Variants in SPMIP2 observed in about 807,000 individuals in gnomAD.
SPMIP2 encodes sperm microtubule inner protein 2, also known as protein SPMIP2.
the SPMIP2 span, among the ~76,000 whole-genome samples, chr4:159,026,830 T>C: frequency 6.6e-6 from 1 of 151,232 alleles, no homozygotes; most frequent in Non-Finnish European, 1.5e-5. Flanking sequence ...TCCTCCTCCC[T>C]TCCATCTTAG....
At chr4:158,942,267 G>C in the SPMIP2 span, among the ~76,000 whole-genome samples, 1 of 152,182 alleles carries the variant, frequency 6.6e-6, no homozygotes, top group African/African-American at 2.4e-5. Context: ...TGGAATCTAA[G>C]TCCAGCACTT....
chr4:158,921,655 T>C, the SPMIP2 span, among the ~76,000 whole-genome samples: 1 of 152,088 alleles, frequency 6.6e-6, no homozygotes, highest in Non-Finnish European at 1.5e-5. Context: ...CTCTTTTCTT[T>C]ATAAATTACC....
chr4:159,009,353 G>T, the SPMIP2 span, among the ~76,000 whole-genome samples: 2 of 152,276 alleles, frequency 1.3e-5, no homozygotes, highest in Non-Finnish European at 2.9e-5. Flanking sequence ...TGAAAATGAG[G>T]CTTAGCAATC....
At chr4:159,037,537 G>C in the SPMIP2 span, among the ~76,000 whole-genome samples, 13 of 151,380 alleles carry the variant, frequency 8.6e-5, no homozygotes, top group Non-Finnish European at 1.9e-4. Flanking sequence ...CCAGCACTTT[G>C]GGAGGTCGAG....
the SPMIP2 span, among the ~76,000 whole-genome samples, chr4:158,961,252 C>A: frequency 1.3e-5 from 2 of 152,080 alleles, no homozygotes; most frequent in East Asian, 3.9e-4. Flanking sequence ...TTTTTAAATT[C>A]TCTTCTCTCC....
chr4:158,898,001 A>T, the SPMIP2 span, among the ~76,000 whole-genome samples: 1 of 152,102 alleles, frequency 6.6e-6, no homozygotes, highest in South Asian at 2.1e-4. Flanking sequence ...ATCCATCTTG[A>T]GTTAATTTTT....
the SPMIP2 span, among the ~76,000 whole-genome samples, chr4:158,954,449 T>A: frequency 6.6e-6 from 1 of 152,214 alleles, no homozygotes; most frequent in African/African-American, 2.4e-5. Context: ...CTCAAGTATG[T>A]CTTTATCAGC....
At chr4:158,957,682 C>T in the SPMIP2 span, among the ~76,000 whole-genome samples, 1 of 152,154 alleles carries the variant, frequency 6.6e-6, no homozygotes, top group African/African-American at 2.4e-5. Context: ...ACCTTGGCCT[C>T]CCAAAATTCT....
the SPMIP2 span, among the ~76,000 whole-genome samples, chr4:158,956,587 C>G: frequency 3.3e-5 from 5 of 152,090 alleles, no homozygotes; most frequent in African/African-American, 4.8e-5. Context: ...AATAAAATAT[C>G]CAAGTCCAGA....
the SPMIP2 span, among the ~76,000 whole-genome samples, chr4:159,071,444 C>T: frequency 6.6e-6 from 1 of 152,134 alleles, no homozygotes; most frequent in Non-Finnish European, 1.5e-5. Context: ...CTACCATTTA[C>T]TCACAAGAAT....
At chr4:158,899,524 C>T in the SPMIP2 span, among the ~76,000 whole-genome samples, 338 of 152,304 alleles carry the variant, frequency 2.2e-3, 4 homozygotes, top group East Asian at 3.9e-4. Flanking sequence ...GCCTCAATTT[C>T]AGAACTTGTT....
the SPMIP2 span, among the ~76,000 whole-genome samples, chr4:159,051,034 G>A: frequency 3.3e-5 from 5 of 151,558 alleles, no homozygotes; most frequent in African/African-American, 1.2e-4. Flanking sequence ...CTGAACCCAG[G>A]AGGCAGAGGT....
chr4:159,011,523 G>C, the SPMIP2 span, among the ~76,000 whole-genome samples: 3 of 151,986 alleles, frequency 2.0e-5, no homozygotes, highest in Non-Finnish European at 4.4e-5. Context: ...GGCCAAGGTG[G>C]GGTGGTTCAC....
chr4:158,915,619 C>G, the SPMIP2 span, among the ~76,000 whole-genome samples: 2 of 152,166 alleles, frequency 1.3e-5, no homozygotes, highest in Non-Finnish European at 2.9e-5. Context: ...GCACTACTGT[C>G]CTTTCAGAGC....
chr4:159,032,891 T>C, the SPMIP2 span, among the ~76,000 whole-genome samples: 1 of 151,306 alleles, frequency 6.6e-6, no homozygotes, highest in South Asian at 2.1e-4. Flanking sequence ...CAAAATAGTA[T>C]AGCTAGTTTA....
At chr4:159,033,872 C>T in the SPMIP2 span, among the ~76,000 whole-genome samples, 5 of 152,216 alleles carry the variant, frequency 3.3e-5, no homozygotes, top group African/African-American at 4.8e-5. Flanking sequence ...GCCAGGTTCA[C>T]GCCTGGAATC....
At chr4:159,053,048 C>A in the SPMIP2 span, among the ~76,000 whole-genome samples, 4 of 146,704 alleles carry the variant, frequency 2.7e-5, no homozygotes, top group Non-Finnish European at 6.0e-5. Context: ...GCTCCGCCTC[C>A]CGGGTTCACG....
chr4:158,909,326 G>A, the SPMIP2 span: 1 of 151,524 alleles, frequency 6.6e-6, no homozygotes, highest in Non-Finnish European at 1.5e-5. Flanking sequence ...TCTGATAAAT[G>A]AAAATTTCAA....
At chr4:158,897,956 T>A in the SPMIP2 span, among the ~76,000 whole-genome samples, 1 of 152,350 alleles carries the variant, frequency 6.6e-6, no homozygotes, top group African/African-American at 2.4e-5. Context: ...TCTTCTAGGG[T>A]TTTTATGGTT....
Sources: allele counts gnomAD v4.1 joint callset (sites outside exome capture counted in the v4.1 genomes callset), GRCh38; gene constraint gnomAD v4.1.1; transcripts MANE v1.5; gene names NCBI Gene and HGNC (gene_info 2026-07-23, HGNC 2026-07-21).